Variants in PDE10A observed in about 807,000 individuals in gnomAD.
The protein encoded by PDE10A is cAMP and cAMP-inhibited cGMP 3',5'-cyclic phosphodiesterase 10A.
PDE10A carries 39 observed loss-of-function variants against 97.7 expected under a neutral mutation model. The ratio of observed to expected loss-of-function variants is 0.40; its 90% CI spans 0.31 to 0.52. The LOEUF (loss-of-function observed/expected upper bound fraction) is 0.52. Ranked by LOEUF, PDE10A falls within the 20% of genes least tolerant of loss-of-function variation. PDE10A has a pLI of 0.56. For synonymous variants in PDE10A, 371 were observed against 376.8 expected (o/e 0.98, Z 0.18); for missense variants, 731 against 1,047.8 (o/e 0.70, Z 4.17).
intron 16 of PDE10A, among the ~76,000 whole-genome samples, chr6:165,389,688 C>T (rs76911015): frequency 1.7e-3 from 266 of 152,278 alleles, no homozygotes; most frequent in African/African-American, 6.0e-3. Context: ...TGAAGCCTCA[C>T]GGCCTGGAGA....
At chr6:165,801,338 A>G (rs1351964410) in intron 1 of PDE10A, among the ~76,000 whole-genome samples, 1 of 152,226 alleles carries the variant, frequency 6.6e-6, no homozygotes, top group Non-Finnish European at 1.5e-5. Context: ...TGAGGACAGG[A>G]GTTTGAGACC....
chr6:165,949,818 C>T (rs1018284515), intron 1 of PDE10A: 1 of 152,062 alleles, frequency 6.6e-6, no homozygotes, highest in African/African-American at 2.4e-5. Context: ...GAAAAACGAA[C>T]ACATCCAAAG....
chr6:165,865,977 A>G (rs1234813702), intron 1 of PDE10A, among the ~76,000 whole-genome samples: 1 of 152,188 alleles, frequency 6.6e-6, no homozygotes, highest in Non-Finnish European at 1.5e-5. Flanking sequence ...TTTCCAAGGA[A>G]TTTTTAGGGT....
intron 15 of PDE10A, among the ~76,000 whole-genome samples, chr6:165,393,457 G>A (rs1195475045): frequency 7.3e-5 from 11 of 151,142 alleles, no homozygotes; most frequent in Admixed American, 6.6e-4. Context: ...ATAGACTTGA[G>A]ACAGCTTAAA....
At chr6:165,592,530 G>A (rs1262330527) in intron 1 of PDE10A, among the ~76,000 whole-genome samples, 1 of 152,136 alleles carries the variant, frequency 6.6e-6, no homozygotes, top group Non-Finnish European at 1.5e-5. Context: ...CAGAATGGGA[G>A]AAAAGTTTTG....
intron 1 of PDE10A, among the ~76,000 whole-genome samples, chr6:165,644,389 G>A (rs1471509853): frequency 6.6e-6 from 1 of 152,168 alleles, no homozygotes; most frequent in Non-Finnish European, 1.5e-5. Flanking sequence ...GAGTCTCCGT[G>A]AAGATTTCTT....
At chr6:165,917,987 G>A (rs924428955) in intron 1 of PDE10A, among the ~76,000 whole-genome samples, 1 of 152,184 alleles carries the variant, frequency 6.6e-6, no homozygotes, top group Admixed American at 6.5e-5. Context: ...GATAAATACT[G>A]GACGTCCACT....
chr6:165,375,673 G>A (rs1185639790), intron 18 of PDE10A, among the ~76,000 whole-genome samples: 1 of 152,200 alleles, frequency 6.6e-6, no homozygotes, highest in Non-Finnish European at 1.5e-5. Context: ...GATATCTAGA[G>A]AGGAGAAGTC....
intron 1 of PDE10A, among the ~76,000 whole-genome samples, chr6:165,981,128 A>G (rs1785000903): frequency 6.6e-6 from 1 of 152,152 alleles, no homozygotes; most frequent in African/African-American, 2.4e-5. Context: ...AATGTAGGTA[A>G]ATATAGGCCA....
chr6:165,787,242 T>C (rs1778521174), intron 1 of PDE10A, among the ~76,000 whole-genome samples: 1 of 152,138 alleles, frequency 6.6e-6, no homozygotes, highest in African/African-American at 2.4e-5. Flanking sequence ...CAGGAGAATT[T>C]CTAGAGACAA....
chr6:165,898,278 C>T (rs1782011803), intron 1 of PDE10A, among the ~76,000 whole-genome samples: 1 of 152,186 alleles, frequency 6.6e-6, no homozygotes, highest in Non-Finnish European at 1.5e-5. Context: ...GACACCAGAG[C>T]TCTGCCTGAA....
At chr6:165,866,723 T>G (rs1466534709) in intron 1 of PDE10A, among the ~76,000 whole-genome samples, 1 of 149,540 alleles carries the variant, frequency 6.7e-6, no homozygotes, top group Non-Finnish European at 1.5e-5. Context: ...AGAATCTCCA[T>G]TGGAATAATA....
At chr6:165,896,771 G>C (rs1781961705) in intron 1 of PDE10A, among the ~76,000 whole-genome samples, 1 of 152,024 alleles carries the variant, frequency 6.6e-6, no homozygotes, top group Non-Finnish European at 1.5e-5. Context: ...TGATCCACCT[G>C]TCTCGGCCTC....
At chr6:165,958,750 A>G (rs1784265026) in intron 1 of PDE10A, among the ~76,000 whole-genome samples, 1 of 149,340 alleles carries the variant, frequency 6.7e-6, no homozygotes, top group South Asian at 2.1e-4. Context: ...AAAGAAAGAG[A>G]AAGAAAGAAA....
chr6:165,734,106 T>C (rs1792505341), intron 1 of PDE10A, among the ~76,000 whole-genome samples: 1 of 152,214 alleles, frequency 6.6e-6, no homozygotes, highest in African/African-American at 2.4e-5. Flanking sequence ...ACCCATCTGC[T>C]GGAAGAGAGA....
At chr6:165,413,780 C>A (rs1788084804) in intron 12 of PDE10A, 93 bp from the exon 13 acceptor site, 1 of 967,582 alleles carries the variant, frequency 1.0e-6, no homozygotes, top group African/African-American at 1.6e-5. Context: ...TCAATCTTTG[C>A]AATTTACATA....
intron 1 of PDE10A, among the ~76,000 whole-genome samples, chr6:165,707,113 G>A (rs1014272405): frequency 6.6e-6 from 1 of 152,198 alleles, no homozygotes; most frequent in African/African-American, 2.4e-5. Context: ...GGAAATTCCT[G>A]GGGAAAGCCC....
At chr6:165,384,178 T>C (rs1314934787) in intron 17 of PDE10A, among the ~76,000 whole-genome samples, 9 of 152,018 alleles carry the variant, frequency 5.9e-5, no homozygotes, top group Non-Finnish European at 2.9e-5. Context: ...GAAACAGTGA[T>C]GGATGAGGAG....
intron 15 of PDE10A, 99 bp downstream of exon 15, chr6:165,395,082 A>G: frequency 2.9e-6 from 2 of 688,086 alleles, no homozygotes; most frequent in South Asian, 3.8e-5. Flanking sequence ...GTATTTAAAA[A>G]TAATTACAAA....
Sources: gnomAD v4.1 joint callset for allele counts (sites outside exome capture counted in the v4.1 genomes callset) on GRCh38, gnomAD v4.1.1 for gene constraint, MANE v1.5 for transcripts, NCBI Gene and HGNC (gene_info 2026-07-23, HGNC 2026-07-21) for gene names.